Variants in MARCHF1 observed in about 807,000 individuals in gnomAD.
MARCHF1 encodes membrane associated ring-CH-type finger 1, also known as E3 ubiquitin-protein ligase MARCHF1.
In MARCHF1, 40 loss-of-function variants were observed where a neutral mutation model predicts 54.2. That is an observed-to-expected ratio of 0.74 (90% CI 0.57 to 0.96). MARCHF1 has a LOEUF of 0.96. Among genes scored for constraint, MARCHF1 ranks in the 40% least tolerant of loss-of-function variants. The probability of loss-of-function intolerance (pLI) is 0.00; values close to 1 mark genes in which losing one functional copy is unlikely to be tolerated. For synonymous variants in MARCHF1, 236 were observed against 236.3 expected (o/e 1.00, Z 0.01); for missense variants, 586 against 656.5 (o/e 0.89, Z 1.17).
intron 7 of MARCHF1, among the ~76,000 whole-genome samples, chr4:163,587,243 A>T (rs769225019): frequency 2.6e-5 from 4 of 152,212 alleles, no homozygotes; most frequent in Non-Finnish European, 4.4e-5. Context: ...AATCTGAATG[A>T]TGTAACCAGC....
chr4:164,012,099 C>T (rs751183564), intron 2 of MARCHF1, among the ~76,000 whole-genome samples: 21 of 152,214 alleles, frequency 1.4e-4, no homozygotes, highest in African/African-American at 4.6e-4. Flanking sequence ...CACTAGCTGA[C>T]GAAATTGGCC....
At chr4:164,102,204 A>G (rs1311534866) in intron 2 of MARCHF1, among the ~76,000 whole-genome samples, 1 of 93,392 alleles carries the variant, frequency 1.1e-5, no homozygotes, top group African/African-American at 4.2e-5. Flanking sequence ...GATATTATCC[A>G]GGAGAACTTC....
chr4:163,785,504 A>G (rs1450344153), intron 4 of MARCHF1, among the ~76,000 whole-genome samples: 3 of 152,046 alleles, frequency 2.0e-5, no homozygotes, highest in Admixed American at 2.0e-4. Context: ...AACAAAATCA[A>G]GACAATGACT....
intron 1 of MARCHF1, among the ~76,000 whole-genome samples, chr4:164,285,383 G>A (rs2111348955): frequency 6.6e-6 from 1 of 152,038 alleles, no homozygotes; most frequent in South Asian, 2.1e-4. Flanking sequence ...TCCAGCCTGG[G>A]CAACATAGGA....
chr4:163,995,435 C>T (rs1165680229), intron 2 of MARCHF1, among the ~76,000 whole-genome samples: 1 of 151,972 alleles, frequency 6.6e-6, no homozygotes, highest in East Asian at 1.9e-4. Flanking sequence ...ATTTAACTTT[C>T]ACCCTCTCCC....
intron 4 of MARCHF1, among the ~76,000 whole-genome samples, chr4:163,780,353 C>T (rs183045228): frequency 7.9e-5 from 12 of 152,244 alleles, no homozygotes; most frequent in Admixed American, 2.6e-4. Flanking sequence ...TATCTTTGTC[C>T]AGTGGAATAT....
chr4:163,605,134 G>C (rs1345981725), intron 7 of MARCHF1, among the ~76,000 whole-genome samples: 1 of 152,038 alleles, frequency 6.6e-6, no homozygotes, highest in African/African-American at 2.4e-5. Flanking sequence ...AGAGCTAGAA[G>C]GGTTCGCTTT....
intron 1 of MARCHF1, among the ~76,000 whole-genome samples, chr4:164,136,993 A>G (rs1006522410): frequency 1.3e-5 from 2 of 152,196 alleles, no homozygotes; most frequent in African/African-American, 2.4e-5. Context: ...CATGTATGAA[A>G]GAAGGATATG....
At chr4:163,913,569 C>A (rs1256533904) in intron 3 of MARCHF1, among the ~76,000 whole-genome samples, 1 of 152,112 alleles carries the variant, frequency 6.6e-6, no homozygotes, top group Non-Finnish European at 1.5e-5. Context: ...TTCCCCTCAC[C>A]CTCATCCATA....
chr4:163,651,282 G>T (rs1365079771), intron 5 of MARCHF1, among the ~76,000 whole-genome samples: 2 of 151,904 alleles, frequency 1.3e-5, no homozygotes, highest in East Asian at 3.9e-4. Flanking sequence ...CTATATATTT[G>T]TAGAATTTTC....
At chr4:163,854,328 T>C in intron 3 of MARCHF1, 159 bp from the exon 4 acceptor site, 1 of 551,198 alleles carries the variant, frequency 1.8e-6, no homozygotes, top group Non-Finnish European at 3.1e-6. Flanking sequence ...ATATGCTGAT[T>C]ATTACTAATA....
intron 2 of MARCHF1, among the ~76,000 whole-genome samples, chr4:164,049,134 C>T (rs998815917): frequency 6.6e-6 from 1 of 152,160 alleles, no homozygotes; most frequent in Non-Finnish European, 1.5e-5. Context: ...TACAGTTCTG[C>T]GTGGCTGAGA....
intron 5 of MARCHF1, among the ~76,000 whole-genome samples, chr4:163,617,207 G>A (rs1208838114): frequency 6.6e-6 from 1 of 152,134 alleles, no homozygotes. Context: ...TGGGCTCATG[G>A]GAGTAGAAAT....
intron 3 of MARCHF1, among the ~76,000 whole-genome samples, chr4:163,890,986 G>T (rs1327991214): frequency 6.6e-6 from 1 of 151,820 alleles, no homozygotes; most frequent in East Asian, 1.9e-4. Context: ...ATATACTGCT[G>T]TTATTCATAT....
intron 9 of MARCHF1, among the ~76,000 whole-genome samples, chr4:163,544,890 C>T (rs1738845414): frequency 6.6e-6 from 1 of 152,110 alleles, no homozygotes; most frequent in South Asian, 2.1e-4. Context: ...TTACCACCAA[C>T]GATTTAGGCT....
At chr4:164,369,821 G>A (rs79228142) in intron 1 of MARCHF1, among the ~76,000 whole-genome samples, 8,550 of 152,154 alleles carry the variant, frequency 0.056, 755 homozygotes, top group East Asian at 0.25. Context: ...CATCTATCTA[G>A]CCTACACAAT....
chr4:163,775,428 C>G (rs1318356351), intron 4 of MARCHF1, among the ~76,000 whole-genome samples: 1 of 152,110 alleles, frequency 6.6e-6, no homozygotes. Flanking sequence ...ACCATGTCCC[C>G]TATGCTTAGA....
chr4:163,977,814 C>T (rs1213483656), intron 3 of MARCHF1, among the ~76,000 whole-genome samples: 1 of 152,122 alleles, frequency 6.6e-6, no homozygotes, highest in African/African-American at 2.4e-5. Context: ...ACAAAATAAT[C>T]CTATAAATAT....
chr4:164,073,800 T>C (rs557214378), intron 2 of MARCHF1, among the ~76,000 whole-genome samples: 3 of 152,126 alleles, frequency 2.0e-5, no homozygotes, highest in East Asian at 3.9e-4. Flanking sequence ...GTTGCTGTTA[T>C]TTTGTTGGGT....
Sources: gnomAD v4.1 joint callset for allele counts (sites outside exome capture counted in the v4.1 genomes callset) on GRCh38, gnomAD v4.1.1 for gene constraint, MANE v1.5 for transcripts, NCBI Gene and HGNC (gene_info 2026-07-23, HGNC 2026-07-21) for gene names.